DCAF13: variants seen among roughly 807,000 people sequenced by gnomAD.
DCAF13 encodes DDB1 and CUL4 associated factor 13.
DCAF13 carries 38 observed loss-of-function variants against 59.0 expected under a neutral mutation model. The ratio of observed to expected loss-of-function variants is 0.64; its 90% CI spans 0.50 to 0.84. The LOEUF (loss-of-function observed/expected upper bound fraction) is 0.84, where lower values mean the gene tolerates loss of function less well. Among genes scored for constraint, DCAF13 ranks in the 40% least tolerant of loss-of-function variants. The pLI, the probability that DCAF13 is intolerant of heterozygous loss-of-function variation, is 0.00. For missense variants in DCAF13, 469 were observed against 558.4 expected (o/e 0.84, Z 1.61); for synonymous variants, 173 against 175.0 (o/e 0.99, Z 0.09).
chr8:103,442,626 A>G, intron 10 of DCAF13, 169 bp from the exon 11 acceptor site: 1 of 471,612 alleles, frequency 2.1e-6, no homozygotes. Context: ...CAATTAAATA[A>G]GTAAAGTTGA....
intron 1 of DCAF13, among the ~76,000 whole-genome samples, chr8:103,420,007 C>CA (rs57225658): frequency 0.27 from 21,493 of 80,856 alleles, 1,813 homozygotes; most frequent in East Asian, 0.44. Context: ...GACTCCGTCT[C>CA]AAAAAAAAAA....
At chr8:103,424,786 A>T (rs942142833) in intron 3 of DCAF13, among the ~76,000 whole-genome samples, 1 of 152,204 alleles carries the variant, frequency 6.6e-6, no homozygotes, top group African/African-American at 2.4e-5. Context: ...TCTTTGGGTC[A>T]AGCCAGATCA....
At position 103,427,207 on chromosome 8, in the gene DCAF13, C is replaced by T. The variant is rs1816804956; in HGVS notation, c.579C>T (p.Thr193=). ...GAACTAATCCTATATGTTCAATGAC[C>T]TGGGGATTTGACAGTATAAGTAGTG... ...EQRTNPICSM[T]WGFDSISSVK... is the part of the protein sequence containing the mutation. The change falls in exon 5 of 11, where the codon ACC becomes ACT. Residue 193 remains threonine (T), a synonymous_variant. Coordinates refer to ENST00000612750, the MANE Select transcript of DCAF13 (RefSeq NM_015420.7). 1.9e-6 allele frequency: 3 copies of T among 1,613,494 alleles called. No homozygotes were observed. Among genetic ancestry groups the T allele is most frequent in the Non-Finnish European group, 2.5e-6 (3 of 1,179,664 alleles).
Position 103,420,442 on chromosome 8 carries a change from T to C in DCAF13, c.249T>C (p.Leu83=), listed in dbSNP as rs146162905. The change falls in exon 2 of 11, where the codon CTT becomes CTC. Residue 83 remains leucine, a synonymous_variant. Transcript: ENST00000612750. The part of the protein sequence containing the change: ...AKHPEKLATV[L]SGACDGEVRI... ...ATCCAGAGAAGCTGGCTACTGTCCT[T>C]TCTGGGGCGTGTGATGGAGAGGCAA... The C allele has an allele frequency of 1.1e-4, 175 of 1,613,816 alleles. 1 individual carries two copies. In the African/African-American group the frequency reaches 1.6e-3, roughly 15 times the overall value.
chr8:103,443,159 T>C lies in DCAF13; in HGVS notation c.*277T>C. The C allele has an allele frequency of 4.1e-6, 1 of 242,818 alleles. No individual in the cohort carries two copies. The highest frequency in any genetic ancestry group is 7.9e-6 in the Non-Finnish European group (1 of 126,790). 15.0% of individuals were successfully genotyped at this position (242,818 alleles called of 1,614,324 possible). A position where few individuals can be genotyped will look rare whatever the true frequency, so the allele number is the denominator to read the frequency against. ...TATTACAGATATACTTACTTTCTCT[T>C]TGATCTATTATTGTAGACACTATAC... On this transcript the variant is annotated 3_prime_UTR_variant, in exon 11 of 11. Coordinates refer to ENST00000612750, the MANE Select transcript of DCAF13 (RefSeq NM_015420.7).
chr8:103,420,599 A>C (rs1023198818), intron 2 of DCAF13, 136 bp downstream of exon 2: 1 of 856,748 alleles, frequency 1.2e-6, no homozygotes, highest in African/African-American at 1.7e-5. Context: ...CGTTAGGAAT[A>C]CTGTTTAGTA....
chr8:103,431,805 T>C (rs1387587510), intron 6 of DCAF13, among the ~76,000 whole-genome samples: 1 of 152,140 alleles, frequency 6.6e-6, no homozygotes, highest in African/African-American at 2.4e-5. Context: ...TTTAATTTAG[T>C]TTATTTTTCA....
intron 5 of DCAF13, 58 bp from the exon 6 acceptor site, chr8:103,430,554 G>A: frequency 1.8e-6 from 2 of 1,133,820 alleles, no homozygotes; most frequent in South Asian, 2.7e-5. Context: ...TTTACTGAAT[G>A]GATGTGGTTT....
chr8:103,435,371 T>C (rs1816918915), intron 7 of DCAF13, among the ~76,000 whole-genome samples: 1 of 152,122 alleles, frequency 6.6e-6, no homozygotes, highest in Non-Finnish European at 1.5e-5. Context: ...TCTACTTTTT[T>C]TGAAATTTCC....
chr8:103,435,370 T>G (rs916925980), intron 7 of DCAF13, among the ~76,000 whole-genome samples: 3 of 152,148 alleles, frequency 2.0e-5, no homozygotes, highest in Admixed American at 1.3e-4. Flanking sequence ...CTCTACTTTT[T>G]TTGAAATTTC....
At chr8:103,418,665 T>G (rs1816661724) in intron 1 of DCAF13, among the ~76,000 whole-genome samples, 2 of 151,216 alleles carry the variant, frequency 1.3e-5, no homozygotes, top group Non-Finnish European at 1.5e-5. Context: ...TACATAAGAA[T>G]GACCTAGGCT....
chr8:103,427,572 T>G (rs558464661), intron 5 of DCAF13: 7 of 318,564 alleles, frequency 2.2e-5, no homozygotes, highest in Non-Finnish European at 3.4e-5. Flanking sequence ...TTCCATAGAT[T>G]ATGTCATTGT....
rs3134260 is a variant in DCAF13, at chr8:103,424,650, C to G, written c.379-1406C>G. On this transcript the variant is annotated intron_variant, in intron 3 of 10. Transcript: ENST00000612750. ...TCAGTAGACGGCAGAACAGCTTGGT[C>G]ATTTACAAGCAAATTCAGTCTTGAG... Among the ~76,000 whole-genome samples the G allele has an allele frequency of 2.6e-5, 4 of 152,166 alleles. No homozygotes were observed. In the South Asian group the frequency reaches 6.2e-4, roughly 24 times the overall value.
Position 103,432,659 on chromosome 8 carries a change from G to T in DCAF13, c.703G>T (p.Val235Phe), listed in dbSNP as rs915234538. 2.5e-6 allele frequency: 4 copies of T among 1,576,316 alleles called. No individual in the cohort carries two copies. Among genetic ancestry groups the T allele is most frequent in the Non-Finnish European group, 3.5e-6 (4 of 1,149,696 alleles). ...AATTCATCCATTCTTCCTTTCTCAG[G>T]TTATCTTAGATATGAGAACAAATAC... is the stretch of plus-strand genomic sequence containing the variant. The part of the protein sequence containing the change: ...DMRQATPLKK[V>F]ILDMRTNTIC... Residue 235 changes from valine (V) to phenylalanine (F), a missense_variant and splice_region_variant, in exon 7 of 11, where the codon GTT becomes TTT. Around this residue, in one of 3 missense-constraint regions of DCAF13, gnomAD observed 355 missense variants for 399.1 expected, o/e 0.89. Transcript: ENST00000612750.
In DCAF13 at chr8:103,420,445, T is replaced by G; in HGVS notation, c.252T>G (p.Ser84=). Reference sequence around the variant, plus strand: ...CAGAGAAGCTGGCTACTGTCCTTTCTGGGGCGTGTGATGGAGAGGCAAGTG... The same window carrying G: ...CAGAGAAGCTGGCTACTGTCCTTTCGGGGGCGTGTGATGGAGAGGCAAGTG... ...KHPEKLATVL[S]GACDGEVRIW... is the part of the protein sequence containing the mutation. Residue 84 remains serine, a synonymous_variant, in exon 2 of 11, where the codon TCT becomes TCG. Coordinates refer to ENST00000612750, the MANE Select transcript of DCAF13 (RefSeq NM_015420.7). 1 of 1,613,758 alleles carries G rather than the reference T, an allele frequency of 6.2e-7. No homozygotes were observed. Among genetic ancestry groups the G allele is most frequent in the East Asian group, 2.2e-5 (1 of 44,876 alleles).
At chr8:103,433,858 AT>A (rs1196735274) in intron 7 of DCAF13, among the ~76,000 whole-genome samples, 2 of 152,076 alleles carry the variant, frequency 1.3e-5, no homozygotes, top group East Asian at 3.9e-4. Context: ...ATGTTTTGAA[AT>A]TAAGTGGCAT....
intron 4 of DCAF13, among the ~76,000 whole-genome samples, chr8:103,426,559 C>T (rs1324151730): frequency 6.6e-6 from 1 of 152,062 alleles, no homozygotes; most frequent in Non-Finnish European, 1.5e-5. Flanking sequence ...TATTATGCAT[C>T]ATGTATAAAT....
intron 2 of DCAF13, 76 bp from the exon 3 acceptor site, chr8:103,420,899 C>T: frequency 9.4e-7 from 1 of 1,058,400 alleles, no homozygotes; most frequent in South Asian, 1.3e-5. Context: ...TGATTCGTAG[C>T]CTTGTCAGTG....
chr8:103,435,046 G>A (rs936995232), intron 7 of DCAF13, among the ~76,000 whole-genome samples: 4 of 151,950 alleles, frequency 2.6e-5, no homozygotes, highest in Non-Finnish European at 1.5e-5. Context: ...GTTAAAGATT[G>A]AATGTTAAAA....
Sources: allele counts gnomAD v4.1 joint callset (sites outside exome capture counted in the v4.1 genomes callset), GRCh38; gene constraint gnomAD v4.1.1; regional missense constraint gnomAD v4.1.1; transcripts MANE v1.5; gene names NCBI Gene and HGNC (gene_info 2026-07-23, HGNC 2026-07-21).